LRMDA: variants seen among roughly 807,000 people sequenced by gnomAD.
The protein encoded by LRMDA is leucine-rich melanocyte differentiation-associated protein.
A neutral mutation model predicts 29.8 loss-of-function variants in LRMDA; 18 were observed. The ratio of observed to expected loss-of-function variants is 0.60; its 90% CI spans 0.42 to 0.90. The LOEUF is 0.90. Among genes scored for constraint, LRMDA ranks in the 40% least tolerant of loss-of-function variants. The pLI is 0.00. For missense variants in LRMDA, 273 were observed against 273.9 expected, an observed-to-expected ratio of 1.00 and a Z score of 0.02; for synonymous variants, 125 against 109.4, an observed-to-expected ratio of 1.14 and a Z score of -0.89.
intron 5 of LRMDA, among the ~76,000 whole-genome samples, chr10:76,288,445 T>A (rs1840299573): frequency 6.6e-6 from 1 of 152,146 alleles, no homozygotes; most frequent in Non-Finnish European, 1.5e-5. Flanking sequence ...CACTATGGAA[T>A]ACTATGCAGC....
intron 2 of LRMDA, among the ~76,000 whole-genome samples, chr10:75,530,853 G>T (rs1363403191): frequency 6.6e-6 from 1 of 152,210 alleles, no homozygotes; most frequent in Non-Finnish European, 1.5e-5. Context: ...AACCATTGTT[G>T]CTGGTGCCTG....
chr10:76,422,872 T>G (rs947454553), intron 6 of LRMDA, among the ~76,000 whole-genome samples: 4 of 152,220 alleles, frequency 2.6e-5, no homozygotes, highest in African/African-American at 7.2e-5. Context: ...TTCCAATGGA[T>G]TTATAGCAAT....
intron 5 of LRMDA, among the ~76,000 whole-genome samples, chr10:76,174,921 G>C (rs1041448361): frequency 2.0e-5 from 3 of 152,154 alleles, no homozygotes; most frequent in Middle Eastern, 3.2e-3. Context: ...AGGAGTTCGA[G>C]ACTAGCCTGG....
In LRMDA at chr10:75,996,833, C is replaced by T. The variant is rs573088055; in HGVS notation, c.132-39175C>T. 7.7e-3 allele frequency among the ~76,000 whole-genome samples: 1,159 copies of T among 151,378 alleles called. 13 individuals are homozygous for T. Among genetic ancestry groups the T allele is most frequent in the Non-Finnish European group, 9.5e-3 (647 of 67,868 alleles). ...CTGCAAGCTCCGCCTCCTGGGTTCA[C>T]GCCATTCTCCTGCCTCAGCCTCCCG... On this transcript the variant is annotated intron_variant, in intron 2 of 6. Coordinates refer to ENST00000611255, the MANE Select transcript of LRMDA (RefSeq NM_001305581.2).
chr10:76,468,258 A>G (rs1406970878), intron 6 of LRMDA, among the ~76,000 whole-genome samples: 1 of 152,242 alleles, frequency 6.6e-6, no homozygotes, highest in African/African-American at 2.4e-5. Flanking sequence ...CCCTTAAATT[A>G]GCTTCTTAGT....
chr10:75,988,950 A>G (rs1014041156), intron 2 of LRMDA, among the ~76,000 whole-genome samples: 1 of 152,172 alleles, frequency 6.6e-6, no homozygotes, highest in Non-Finnish European at 1.5e-5. Context: ...TCCTTTGCAC[A>G]GTCTTCCCTG....
In LRMDA at chr10:75,622,308, T is replaced by G. The variant is rs549272114; in HGVS notation, c.131+183814T>G. On this transcript the variant is annotated intron_variant, in intron 2 of 6. Transcript: ENST00000611255. ...GTGTTTTATAATGAATTAAGAACAGTGAAAAAATATGATACCCCAAAGATA... is the reference window on the plus strand; with the variant it reads ...GTGTTTTATAATGAATTAAGAACAGGGAAAAAATATGATACCCCAAAGATA... Among the ~76,000 whole-genome samples the G allele has an allele frequency of 1.7e-4, 13 of 75,642 alleles. 1 individual carries two copies. In the South Asian group the frequency reaches 6.6e-3, roughly 39 times the overall value. The allele number at this position is 75,642 out of a possible 152,430, so 49.6% of individuals were successfully genotyped here. A position where few individuals can be genotyped will look rare whatever the true frequency, so the allele number is the denominator to read the frequency against.
intron 5 of LRMDA, among the ~76,000 whole-genome samples, chr10:76,319,490 G>A (rs1288958261): frequency 6.6e-6 from 1 of 152,116 alleles, no homozygotes; most frequent in Non-Finnish European, 1.5e-5. Flanking sequence ...CACACTATGA[G>A]TTGGTGGCTC....
chr10:75,532,501 C>T (rs550022077), intron 2 of LRMDA, among the ~76,000 whole-genome samples: 3 of 152,322 alleles, frequency 2.0e-5, no homozygotes, highest in Middle Eastern at 3.4e-3. Flanking sequence ...GTTTGCCAAA[C>T]ATCAGGCTCT....
intron 5 of LRMDA, chr10:76,242,215 C>A (rs1339171515): frequency 6.6e-6 from 1 of 152,060 alleles, no homozygotes; most frequent in Non-Finnish European, 1.5e-5. Flanking sequence ...GTGTGGACAC[C>A]CAATCAGCAT....
chr10:76,391,018 A>C (rs998217745), intron 6 of LRMDA, among the ~76,000 whole-genome samples: 1 of 152,218 alleles, frequency 6.6e-6, no homozygotes, highest in Non-Finnish European at 1.5e-5. Context: ...TTACCATCCA[A>C]TGGAAATATT....
chr10:75,896,841 T>TTGTGTG (rs35428137), intron 2 of LRMDA, among the ~76,000 whole-genome samples: 23,796 of 147,394 alleles, frequency 0.16, 2,930 homozygotes, highest in East Asian at 0.43. Context: ...GAGTGTGCAT[T>TTGTGTG]TGTGTGTGTG....
At chr10:76,259,655 G>A (rs1839908540) in intron 5 of LRMDA, among the ~76,000 whole-genome samples, 1 of 152,058 alleles carries the variant, frequency 6.6e-6, no homozygotes, top group Non-Finnish European at 1.5e-5. Flanking sequence ...AATGCTGAGA[G>A]TAAGGTGTTG....
intron 5 of LRMDA, among the ~76,000 whole-genome samples, chr10:76,185,799 T>G (rs11001675): frequency 6.6e-6 from 1 of 152,094 alleles, no homozygotes; most frequent in African/African-American, 2.4e-5. Flanking sequence ...AAGTACATTT[T>G]TTTTTAAAAA....
At chr10:75,907,587 G>A (rs1845777682) in intron 2 of LRMDA, among the ~76,000 whole-genome samples, 1 of 152,148 alleles carries the variant, frequency 6.6e-6, no homozygotes, top group Admixed American at 6.5e-5. Flanking sequence ...GAAGGTTATG[G>A]CTGACATTAA....
At chr10:75,924,825 A>G (rs1009186347) in intron 2 of LRMDA, among the ~76,000 whole-genome samples, 2 of 152,144 alleles carry the variant, frequency 1.3e-5, no homozygotes, top group African/African-American at 2.4e-5. Flanking sequence ...GGGTTTCTGG[A>G]TATGTTCTTT....
intron 2 of LRMDA, among the ~76,000 whole-genome samples, chr10:75,910,545 C>T (rs1845826066): frequency 2.0e-5 from 3 of 152,148 alleles, no homozygotes; most frequent in Admixed American, 2.0e-4. Context: ...ATGTAACATA[C>T]ACTCTGGGTT....
chr10:76,351,650 C>T (rs1413061327), intron 6 of LRMDA, among the ~76,000 whole-genome samples: 1 of 150,594 alleles, frequency 6.6e-6, no homozygotes. Context: ...CTAGGCCCTG[C>T]ATATACATTC....
At chr10:75,592,033 G>A (rs1028863593) in intron 2 of LRMDA, among the ~76,000 whole-genome samples, 3 of 152,076 alleles carry the variant, frequency 2.0e-5, no homozygotes, top group African/African-American at 7.2e-5. Context: ...CCTTCCCTGA[G>A]GAAAGTGGCC....
Sources: gnomAD v4.1 joint callset for allele counts (sites outside exome capture counted in the v4.1 genomes callset) on GRCh38, gnomAD v4.1.1 for gene constraint, MANE v1.5 for transcripts, NCBI Gene and HGNC (gene_info 2026-07-23, HGNC 2026-07-21) for gene names.